VAV2: variants seen among roughly 807,000 people sequenced by gnomAD.
VAV2 encodes vav guanine nucleotide exchange factor 2, also known as guanine nucleotide exchange factor VAV2.
VAV2 carries 67 observed loss-of-function variants against 132.5 expected under a neutral mutation model. The ratio of observed to expected loss-of-function variants is 0.51; its 90% CI spans 0.42 to 0.62. The LOEUF is 0.62. VAV2 is among the 20% of genes least tolerant of loss of function. The probability of loss-of-function intolerance (pLI) is 0.00; values close to 1 mark genes in which losing one functional copy is unlikely to be tolerated. For missense variants in VAV2, 938 were observed against 1,153.6 expected, an observed-to-expected ratio of 0.81 and a Z score of 2.71; for synonymous variants, 492 against 443.5, an observed-to-expected ratio of 1.11 and a Z score of -1.37.
chr9:133,777,445 T>C lies in VAV2; in HGVS notation c.1909A>G (p.Arg637Gly). 1 of 1,613,684 alleles carries C rather than the reference T, an allele frequency of 6.2e-7. No individual in the cohort carries two copies. Among genetic ancestry groups the C allele is most frequent in the Middle Eastern group, 1.6e-4 (1 of 6,062 alleles). Residue 637 changes from arginine to glycine, a missense_variant, in exon 23 of 30, where the codon AGG becomes GGG. Coordinates refer to ENST00000371850, the MANE Select transcript of VAV2 (RefSeq NM_001134398.2). ...GAGCTGGGGAAATACCCTGACTTCC[T>C]GGTTTGTACCAGACGACCCTGGCAG... is the stretch of plus-strand genomic sequence containing the variant. The part of the protein sequence containing the change: ...PWWEGRLVQT[R>G]KSGYFPSSSV...
chr9:133,918,069 A>C lies in VAV2; in HGVS notation c.321+21034T>G, dbSNP rs1378848193. Among the ~76,000 whole-genome samples, 1 of 152,158 alleles carries C rather than the reference A, an allele frequency of 6.6e-6. No homozygotes were observed. On this transcript the variant is annotated intron_variant, in intron 2 of 29. Transcript: ENST00000371850. This position sits in a 1 kb window ranked among gnomAD's most constrained non-coding sequence, Gnocchi z 4.7. The stretch of plus-strand genomic sequence containing the variant: ...TTCACCAACTCCATTTTCCAAAGTG[A>C]TTGAGACTCTAACACCATTAAACAT...
chr9:133,958,066 C>A (rs546156199), intron 1 of VAV2, among the ~76,000 whole-genome samples: 1 of 133,046 alleles, frequency 7.5e-6, no homozygotes, highest in Non-Finnish European at 1.7e-5. Flanking sequence ...ACAAACACTG[C>A]GGAAGGCCGC....
In VAV2 at chr9:133,769,899, C is replaced by T. The variant is rs1351598927; in HGVS notation, c.2348-396G>A. On this transcript the variant is annotated intron_variant, in intron 27 of 29. Coordinates refer to ENST00000371850, the MANE Select transcript of VAV2 (RefSeq NM_001134398.2). The surrounding 1 kb of genome is among the most constrained non-coding windows in gnomAD (Gnocchi z 8.1). ...ACGTGGGGTGACTCTGGAGAGAGTC[C>T]TGAGCGGGAAGCCGCATGCTCGGGG... 6.6e-6 allele frequency among the ~76,000 whole-genome samples: 1 copy of T among 152,328 alleles called. No homozygotes were observed. The highest frequency in any genetic ancestry group is 1.9e-4 in the East Asian group (1 of 5,176).
chr9:133,892,030 G>A (rs1200818234), intron 2 of VAV2, among the ~76,000 whole-genome samples: 1 of 136,774 alleles, frequency 7.3e-6, no homozygotes, highest in Non-Finnish European at 1.6e-5. Context: ...AAAGGACGGG[G>A]TGCCAGGGGT....
rs186347713 is a variant in VAV2 at position 133,972,852 on chromosome 9, T to G, written c.204+19223A>C. On this transcript the variant is annotated intron_variant, in intron 1 of 29. Transcript: ENST00000371850. Reference sequence around the variant, plus strand: ...GATGCAGGTGGCCCGAGATCTCACGTGCCCACTGGACCCATCTTCCTTCAT... The same window carrying G: ...GATGCAGGTGGCCCGAGATCTCACGGGCCCACTGGACCCATCTTCCTTCAT... Among the ~76,000 whole-genome samples the G allele has an allele frequency of 4.2e-3, 644 of 152,274 alleles. 2 individuals are homozygous for G. Among genetic ancestry groups the G allele is most frequent in the Middle Eastern group, 0.014 (4 of 294 alleles).
Position 133,769,385 on chromosome 9 carries a change from C to G in VAV2, c.2434+32G>C. The G allele has an allele frequency of 6.3e-7, 1 of 1,588,010 alleles. No homozygotes were observed. Among genetic ancestry groups the G allele is most frequent in the South Asian group, 1.1e-5 (1 of 87,156 alleles). ...TCTCCCAAGGCAGCTGCCACAGGCC[C>G]GGTCCCCCCACGCCCTGGGGAGCAG... On this transcript the variant is annotated intron_variant, in intron 28 of 29. Transcript: ENST00000371850. This position sits in a 1 kb window ranked among gnomAD's most constrained non-coding sequence, Gnocchi z 8.1.
chr9:133,818,166 C>A (rs1234001265), intron 4 of VAV2, among the ~76,000 whole-genome samples: 1 of 151,946 alleles, frequency 6.6e-6, no homozygotes, highest in Non-Finnish European at 1.5e-5. Flanking sequence ...AGATCGAGAC[C>A]ATCCTGTCTA....
chr9:133,824,719 C>T lies in VAV2; in HGVS notation c.449+9553G>A, dbSNP rs2428092. ...CAGGTCTGTGGGGCAGGGAGGGCTC[C>T]TTTAGCCACCCCTGGGGTTAGGGAG... is the stretch of plus-strand genomic sequence containing the variant. On this transcript the variant is annotated intron_variant, in intron 4 of 29. Transcript: ENST00000371850. The surrounding 1 kb of genome is among the most constrained non-coding windows in gnomAD (Gnocchi z 5.2). Among the ~76,000 whole-genome samples, 24,464 of 151,988 alleles carry T rather than the reference C, an allele frequency of 0.16. 2,275 individuals carry two copies. Among genetic ancestry groups the T allele is most frequent in the African/African-American group, 0.25 (10,539 of 41,428 alleles).
rs1588382819 is a variant in VAV2, at chr9:133,928,163, C to T, written c.321+10940G>A. On this transcript the variant is annotated intron_variant, in intron 2 of 29. Coordinates refer to ENST00000371850, the MANE Select transcript of VAV2 (RefSeq NM_001134398.2). The surrounding 1 kb of genome is among the most constrained non-coding windows in gnomAD (Gnocchi z 5.4). ...GGCGGGTCAGCATCCGATGGGCTTA[C>T]CGACTCCGTGTGTGTGTGTGTGTGT... Among the ~76,000 whole-genome samples, 1 of 111,044 alleles carries T rather than the reference C, an allele frequency of 9.0e-6. No individual in the cohort carries two copies. 72.8% of individuals were successfully genotyped at this position (111,044 alleles called of 152,430 possible).
intron 1 of VAV2, among the ~76,000 whole-genome samples, chr9:133,985,225 A>ATT (rs1842818602): frequency 3.2e-5 from 3 of 92,670 alleles, no homozygotes; most frequent in African/African-American, 8.9e-5. Context: ...ATCTTGCCTT[A>ATT]TTGTGTGTGT....
At position 133,872,955 on chromosome 9, in the gene VAV2, A is replaced by C. The variant is rs182774062; in HGVS notation, c.322-11523T>G. On this transcript the variant is annotated intron_variant, in intron 2 of 29. Coordinates refer to ENST00000371850, the MANE Select transcript of VAV2 (RefSeq NM_001134398.2). The stretch of plus-strand genomic sequence containing the variant: ...TGGTGAAACCCCATCTCTACTAAAA[A>C]TACAAAAATTAGCCAGGTGTGGTGG... Among the ~76,000 whole-genome samples, 150 of 152,212 alleles carry C rather than the reference A, an allele frequency of 9.9e-4. 1 individual carries two copies. The highest frequency in any genetic ancestry group is 3.4e-3 in the African/African-American group (142 of 41,510).
intron 2 of VAV2, among the ~76,000 whole-genome samples, chr9:133,867,087 G>A (rs375628382): frequency 6.6e-6 from 1 of 152,134 alleles, no homozygotes; most frequent in South Asian, 2.1e-4. Flanking sequence ...GCCCCTGCAG[G>A]GGACACAACA....
intron 1 of VAV2, among the ~76,000 whole-genome samples, chr9:133,967,051 A>AAAT (rs1842164595): frequency 7.3e-6 from 1 of 137,444 alleles, no homozygotes; most frequent in Non-Finnish European, 1.6e-5. Flanking sequence ...AAAAAAAAAA[A>AAAT]GCAAATAGTA....
At chr9:133,908,260 G>T (rs1027736332) in intron 2 of VAV2, among the ~76,000 whole-genome samples, 3 of 152,060 alleles carry the variant, frequency 2.0e-5, no homozygotes, top group Admixed American at 2.0e-4. Flanking sequence ...GAGATGGGCG[G>T]AGATGGGGTG....
chr9:133,818,672 C>G (rs1207488791), intron 4 of VAV2, among the ~76,000 whole-genome samples: 3 of 152,204 alleles, frequency 2.0e-5, no homozygotes, highest in Admixed American at 1.3e-4. Flanking sequence ...AGCCAATTCC[C>G]ATAATAAATC....
chr9:133,880,540 G>A lies in VAV2; in HGVS notation c.322-19108C>T, dbSNP rs574804206. Among the ~76,000 whole-genome samples, 45 of 152,252 alleles carry A rather than the reference G, an allele frequency of 3.0e-4. No homozygotes were observed. In the South Asian group the frequency reaches 7.7e-3, roughly 26 times the overall value. On this transcript the variant is annotated intron_variant, in intron 2 of 29. Transcript: ENST00000371850. ...TTGTATATGAAGAAGGGGTGGGTGC[G>A]GGGGGCACTGCCAATGCCACCGCCC...
At chr9:133,973,263 A>AC (rs1842399864) in intron 1 of VAV2, among the ~76,000 whole-genome samples, 1 of 151,934 alleles carries the variant, frequency 6.6e-6, no homozygotes, top group Non-Finnish European at 1.5e-5. Context: ...CAGAGCGTCA[A>AC]CCCCCTGCAT....
chr9:133,788,617 T>G lies in VAV2; in HGVS notation c.1275-131A>C. On this transcript the variant is annotated intron_variant, in intron 14 of 29. Coordinates refer to ENST00000371850, the MANE Select transcript of VAV2 (RefSeq NM_001134398.2). The surrounding 1 kb of genome is among the most constrained non-coding windows in gnomAD (Gnocchi z 5.3). ...CGGGCGAGCCCTGCCCTCACCTGGC[T>G]CACCAGGCTAATGCTGAGCCTCGGT... 1 of 1,306,176 alleles carries G rather than the reference T, an allele frequency of 7.7e-7. No individual in the cohort carries two copies. The highest frequency in any genetic ancestry group is 2.2e-5 in the Admixed American group (1 of 45,598). The allele number at this position is 1,306,176 out of a possible 1,614,324, so 80.9% of individuals were successfully genotyped here. A position where few individuals can be genotyped will look rare whatever the true frequency, so the allele number is the denominator to read the frequency against.
Position 133,804,043 on chromosome 9 carries a change from T to C in VAV2, c.836+2038A>G, listed in dbSNP as rs1031482703. 6.6e-6 allele frequency among the ~76,000 whole-genome samples: 1 copy of C among 152,140 alleles called. No individual in the cohort carries two copies. Among genetic ancestry groups the C allele is most frequent in the African/African-American group, 2.4e-5 (1 of 41,424 alleles). On this transcript the variant is annotated intron_variant, in intron 9 of 29. Coordinates refer to ENST00000371850, the MANE Select transcript of VAV2 (RefSeq NM_001134398.2). The surrounding 1 kb of genome is among the most constrained non-coding windows in gnomAD (Gnocchi z 4.5). The stretch of plus-strand genomic sequence containing the variant: ...CCCCCGGAGCTTCTCTATCTTGTCT[T>C]GGTTCTCATCCATCCCACCCAGCGA...
Sources: gnomAD v4.1 joint callset for allele counts (sites outside exome capture counted in the v4.1 genomes callset) on GRCh38, gnomAD v4.1.1 for gene constraint, Gnocchi (gnomAD v3.1) non-coding constraint, MANE v1.5 for transcripts, NCBI Gene and HGNC (gene_info 2026-07-23, HGNC 2026-07-21) for gene names.